GNG7: variants seen among roughly 807,000 people sequenced by gnomAD.
GNG7 encodes guanine nucleotide-binding protein G(I)/G(S)/G(O) subunit gamma-7.
Under a neutral mutation model 4.0 loss-of-function variants are expected in GNG7, and 1 was observed. That is an observed-to-expected ratio of 0.25 (90% CI 0.09 to 1.18). The LOEUF (loss-of-function observed/expected upper bound fraction) is 1.18, where lower values mean the gene tolerates loss of function less well. GNG7 is among the 50% of genes most tolerant of loss of function. GNG7 has a pLI of 0.50. For synonymous variants in GNG7, 34 were observed against 36.9 expected, an observed-to-expected ratio of 0.92 and a Z score of 0.29; for missense variants, 86 against 91.9, an observed-to-expected ratio of 0.94 and a Z score of 0.26.
At position 2,701,711 on chromosome 19, in the gene GNG7, C is replaced by G. The variant is rs547106970; in HGVS notation, c.-135+935G>C. Among the ~76,000 whole-genome samples the G allele has an allele frequency of 1.2e-4, 18 of 151,266 alleles. 1 individual carries two copies. The South Asian group carries it at 1.9e-3, about 16-fold the overall frequency. On this transcript the variant is annotated intron_variant, in intron 1 of 4. Transcript: ENST00000382159. ...CCCACTTCAAACTCCATCCCCAGCC[C>G]CCTCTCCAGCTCCCTGCAAACCTCA...
chr19:2,585,365 A>G (rs995995178), intron 2 of GNG7, among the ~76,000 whole-genome samples: 1 of 152,198 alleles, frequency 6.6e-6, no homozygotes, highest in African/African-American at 2.4e-5. Flanking sequence ...ATCCACCTGC[A>G]ATTTATACAT....
intron 1 of GNG7, among the ~76,000 whole-genome samples, chr19:2,684,896 G>T (rs963358319): frequency 6.6e-6 from 1 of 152,200 alleles, no homozygotes; most frequent in African/African-American, 2.4e-5. Context: ...GGCCGAGGCG[G>T]GTGGATCACC....
At chr19:2,621,635 T>C (rs2144833031) in intron 2 of GNG7, among the ~76,000 whole-genome samples, 1 of 152,194 alleles carries the variant, frequency 6.6e-6, no homozygotes, top group South Asian at 2.1e-4. Flanking sequence ...AGGCAGAGGT[T>C]GCAGTGAGCC....
intron 3 of GNG7, among the ~76,000 whole-genome samples, chr19:2,522,709 G>A (rs867929005): frequency 3.6e-5 from 4 of 111,016 alleles, no homozygotes; most frequent in East Asian, 3.2e-4. Context: ...CAGAGATCAC[G>A]CCACTGCACT....
chr19:2,646,925 G>A (rs763061256), intron 1 of GNG7, among the ~76,000 whole-genome samples: 2 of 152,184 alleles, frequency 1.3e-5, no homozygotes, highest in African/African-American at 2.4e-5. Context: ...ACGGTGCCCA[G>A]AAGGCACCCA....
chr19:2,674,730 C>G (rs1289085053), intron 1 of GNG7, among the ~76,000 whole-genome samples: 1 of 152,238 alleles, frequency 6.6e-6, no homozygotes, highest in Non-Finnish European at 1.5e-5. Context: ...GCTACTGCGT[C>G]TGGCCTGCAA....
intron 2 of GNG7, among the ~76,000 whole-genome samples, chr19:2,627,965 C>T (rs777345713): frequency 5.3e-5 from 8 of 152,348 alleles, no homozygotes; most frequent in East Asian, 3.9e-4. Flanking sequence ...AAGGAGGTGA[C>T]GGTCCGGCCC....
At chr19:2,669,390 T>A (rs1274669310) in intron 1 of GNG7, among the ~76,000 whole-genome samples, 1 of 152,100 alleles carries the variant, frequency 6.6e-6, no homozygotes, top group African/African-American at 2.4e-5. Flanking sequence ...CTTGGGAGAC[T>A]GAGGCAAGAG....
At chr19:2,598,651 C>T (rs1222628839) in intron 2 of GNG7, among the ~76,000 whole-genome samples, 5 of 148,274 alleles carry the variant, frequency 3.4e-5, no homozygotes, top group East Asian at 2.0e-4. Flanking sequence ...AGCGAGACTC[C>T]GTCTCAAAAA....
At chr19:2,665,588 ATGGCCAAGG>A (rs1444937330) in intron 1 of GNG7, among the ~76,000 whole-genome samples, 3 of 152,168 alleles carry the variant, frequency 2.0e-5, no homozygotes, top group South Asian at 2.1e-4. Context: ...ACGCTCTGGT[ATGGCCAAGG>A]TGGAGTGCTG....
intron 1 of GNG7, among the ~76,000 whole-genome samples, chr19:2,665,365 G>GC (rs1032548651): frequency 4.9e-5 from 4 of 80,866 alleles, no homozygotes; most frequent in African/African-American, 1.4e-4. Context: ...GTCCCCTGGG[G>GC]GGGGGGGGGC....
intron 2 of GNG7, among the ~76,000 whole-genome samples, chr19:2,565,544 C>T (rs868851234): frequency 2.6e-5 from 4 of 151,294 alleles, no homozygotes; most frequent in Non-Finnish European, 4.4e-5. Flanking sequence ...AAGCTGTTTG[C>T]GTCAAAGGAA....
At chr19:2,650,898 G>A (rs1217261948) in intron 1 of GNG7, among the ~76,000 whole-genome samples, 1 of 152,200 alleles carries the variant, frequency 6.6e-6, no homozygotes, top group African/African-American at 2.4e-5. Flanking sequence ...CTGCCGAGCT[G>A]GGGCAACACG....
At chr19:2,652,841 G>A (rs1982866618) in intron 1 of GNG7, among the ~76,000 whole-genome samples, 2 of 152,110 alleles carry the variant, frequency 1.3e-5, no homozygotes, top group African/African-American at 2.4e-5. Flanking sequence ...CTAGTGCTTT[G>A]GGAGGTTGAG....
chr19:2,525,503 G>A (rs1336226518), intron 3 of GNG7, among the ~76,000 whole-genome samples: 1 of 151,900 alleles, frequency 6.6e-6, no homozygotes, highest in Non-Finnish European at 1.5e-5. Context: ...CCCACTCCAG[G>A]ACATAGTGGA....
rs187999136 is a variant in GNG7, at chr19:2,666,023, G to A, written c.-134-19743C>T. Among the ~76,000 whole-genome samples the A allele has an allele frequency of 1.3e-4, 20 of 151,836 alleles. 2 individuals carry two copies. In the East Asian group the frequency reaches 3.3e-3, roughly 25 times the overall value. Reference sequence around the variant, plus strand: ...CAGTATTAGAGGCGCCCGCCACCACGCCCAGCTAATTTTTGTATTTTTAGT... The same window carrying A: ...CAGTATTAGAGGCGCCCGCCACCACACCCAGCTAATTTTTGTATTTTTAGT... On this transcript the variant is annotated intron_variant, in intron 1 of 4. Transcript: ENST00000382159.
Position 2,520,645 on chromosome 19 carries a change from T to C in GNG7, c.44A>G (p.Glu15Gly). 6.4e-7 allele frequency: 1 copy of C among 1,552,880 alleles called. No homozygotes were observed. The highest frequency in any genetic ancestry group is 8.7e-7 in the Non-Finnish European group (1 of 1,145,632). The part of the protein sequence containing the change: ...NNIAQARKLV[E>G]QLRIEAGIER... ...AATCCCGGCTTCTATGCGTAGCTGTTCCACCAGCTTCCGGGCCTGGGCTAT... is the reference window on the plus strand; with the variant it reads ...AATCCCGGCTTCTATGCGTAGCTGTCCCACCAGCTTCCGGGCCTGGGCTAT... The change falls in exon 4 of 5, where the codon GAA (glutamate) becomes GGA (glycine). Residue 15 changes from glutamate (E) to glycine (G), a missense_variant. Coordinates refer to ENST00000382159, the MANE Select transcript of GNG7 (RefSeq NM_052847.3).
At chr19:2,526,249 C>T in intron 3 of GNG7, among the ~76,000 whole-genome samples, 1 of 151,754 alleles carries the variant, frequency 6.6e-6, no homozygotes, top group Non-Finnish European at 1.5e-5. Context: ...GGATTAAAGG[C>T]GTGAGCCACT....
At chr19:2,686,458 T>TC (rs1428255182) in intron 1 of GNG7, among the ~76,000 whole-genome samples, 1 of 151,266 alleles carries the variant, frequency 6.6e-6, no homozygotes, top group Admixed American at 6.6e-5. Flanking sequence ...GTACCCGGCC[T>TC]CCCCCCTCCT....
Sources: allele counts gnomAD v4.1 joint callset (sites outside exome capture counted in the v4.1 genomes callset), GRCh38; gene constraint gnomAD v4.1.1; transcripts MANE v1.5; gene names NCBI Gene and HGNC (gene_info 2026-07-23, HGNC 2026-07-21).